PREP: variants seen among roughly 807,000 people sequenced by gnomAD.
The protein encoded by PREP is prolyl endopeptidase.
PREP carries 29 observed loss-of-function variants against 87.6 expected under a neutral mutation model. The ratio of observed to expected loss-of-function variants is 0.33; its 90% CI spans 0.25 to 0.45. The LOEUF is 0.45. Among genes scored for constraint, PREP ranks in the 20% least tolerant of loss-of-function variants. The pLI is 1.00. For missense variants in PREP, 695 were observed against 886.5 expected (o/e 0.78, Z 2.74); for synonymous variants, 337 against 328.6 (o/e 1.03, Z -0.28).
At chr6:105,371,651 A>G (rs1329155113) in intron 5 of PREP, among the ~76,000 whole-genome samples, 2 of 151,562 alleles carry the variant, frequency 1.3e-5, no homozygotes, top group African/African-American at 4.8e-5. Flanking sequence ...AGGGCAAGGG[A>G]GGGAAAAACA....
intron 7 of PREP, among the ~76,000 whole-genome samples, chr6:105,352,404 C>G (rs1771981417): frequency 6.6e-6 from 1 of 152,182 alleles, no homozygotes; most frequent in Middle Eastern, 3.2e-3. Context: ...CTTTGGCAAG[C>G]AAACACAGGC....
At chr6:105,329,784 A>G (rs560154252) in intron 8 of PREP, among the ~76,000 whole-genome samples, 10 of 152,254 alleles carry the variant, frequency 6.6e-5, no homozygotes, top group Non-Finnish European at 1.3e-4. Flanking sequence ...CGTGAGACAA[A>G]ATCATATAAA....
intron 6 of PREP, among the ~76,000 whole-genome samples, chr6:105,366,277 A>AT (rs1250260007): frequency 2.0e-5 from 3 of 152,152 alleles, no homozygotes; most frequent in African/African-American, 7.2e-5. Context: ...AAATAAATAA[A>AT]ACATAAATAA....
At chr6:105,304,847 C>A (rs1265473577) in intron 10 of PREP, among the ~76,000 whole-genome samples, 1 of 152,118 alleles carries the variant, frequency 6.6e-6, no homozygotes, top group African/African-American at 2.4e-5. Flanking sequence ...CTGGTTCAGG[C>A]ACTTAAGAGA....
chr6:105,378,015 G>A (rs1467785717), intron 2 of PREP, among the ~76,000 whole-genome samples: 1 of 152,186 alleles, frequency 6.6e-6, no homozygotes, highest in East Asian at 1.9e-4. Context: ...TTCTTATTCA[G>A]CACCTGGCCA....
At chr6:105,339,530 A>G (rs981693957) in intron 7 of PREP, among the ~76,000 whole-genome samples, 1 of 152,224 alleles carries the variant, frequency 6.6e-6, no homozygotes, top group African/African-American at 2.4e-5. Context: ...CTGGATGGAG[A>G]ATGACTTTGA....
chr6:105,380,347 G>A (rs1443956240), intron 2 of PREP, among the ~76,000 whole-genome samples: 6 of 152,206 alleles, frequency 3.9e-5, no homozygotes, highest in Admixed American at 3.3e-4. Context: ...GAGGCCAGAC[G>A]ACCAGACATG....
intron 7 of PREP, among the ~76,000 whole-genome samples, chr6:105,338,132 C>T (rs1771527381): frequency 6.6e-6 from 1 of 152,194 alleles, no homozygotes; most frequent in African/African-American, 2.4e-5. Context: ...TGGACTATGA[C>T]ATTTGTAGAC....
intron 7 of PREP, among the ~76,000 whole-genome samples, chr6:105,345,656 G>A (rs553629038): frequency 2.6e-5 from 4 of 152,316 alleles, no homozygotes; most frequent in African/African-American, 4.8e-5. Context: ...GCTGCAGGGC[G>A]CATGGGCTGC....
chr6:105,370,683 C>T (rs112606691), intron 5 of PREP, among the ~76,000 whole-genome samples: 2,239 of 152,224 alleles, frequency 0.015, 57 homozygotes, highest in African/African-American at 0.049. Flanking sequence ...GACTATTTAA[C>T]ACTAAAAAGA....
In PREP at chr6:105,277,501, T is replaced by TGACA. The variant is rs1769969437; in HGVS notation, c.*639_*642dup. The TGACA allele has an allele frequency of 6.6e-6, 1 of 152,354 alleles. No homozygotes were observed. Among genetic ancestry groups the TGACA allele is most frequent in the Non-Finnish European group, 1.5e-5 (1 of 68,190 alleles). 9.4% of individuals were successfully genotyped at this position (152,354 alleles called of 1,614,324 possible). On this transcript the variant is annotated 3_prime_UTR_variant, in exon 15 of 15. Coordinates refer to ENST00000652536, the MANE Select transcript of PREP (RefSeq NM_002726.5). ...CAACTAAGTGGTCAGTGTTTGTTTA[T>TGACA]GACAGTGAACCCCCTCTGACAGCTT...
intron 7 of PREP, among the ~76,000 whole-genome samples, chr6:105,344,569 C>CT (rs1265771173): frequency 6.6e-6 from 1 of 151,312 alleles, no homozygotes; most frequent in African/African-American, 2.4e-5. Context: ...TCTCACCAAA[C>CT]TATCGCAAAG....
intron 11 of PREP, among the ~76,000 whole-genome samples, chr6:105,287,238 C>T (rs1770207152): frequency 6.6e-6 from 1 of 151,846 alleles, no homozygotes; most frequent in Non-Finnish European, 1.5e-5. Context: ...ACAATGATAA[C>T]AAATCTCGTT....
chr6:105,361,429 C>A (rs1772244312), intron 6 of PREP, among the ~76,000 whole-genome samples: 1 of 152,004 alleles, frequency 6.6e-6, no homozygotes, highest in Non-Finnish European at 1.5e-5. Context: ...CATGAAATTT[C>A]TTTAGTATAA....
chr6:105,395,248 C>T (rs1197271163), intron 2 of PREP, among the ~76,000 whole-genome samples: 1 of 152,204 alleles, frequency 6.6e-6, no homozygotes, highest in Non-Finnish European at 1.5e-5. Flanking sequence ...TACAAAGGCA[C>T]ATGGCAAGCA....
chr6:105,352,905 G>A, intron 7 of PREP, 67 bp downstream of exon 7: 4 of 1,364,384 alleles, frequency 2.9e-6, no homozygotes, highest in Non-Finnish European at 4.2e-6. Context: ...TCAATTAATA[G>A]ACCACAATAA....
intron 14 of PREP, chr6:105,281,516 G>C (rs895815992): frequency 1.5e-5 from 7 of 452,524 alleles, no homozygotes; most frequent in Admixed American, 1.2e-4. Flanking sequence ...TAGGAATCTT[G>C]GGAGGCCATC....
At chr6:105,288,683 A>G (rs1168876886) in intron 11 of PREP, 75 bp downstream of exon 11, 3 of 1,555,718 alleles carry the variant, frequency 1.9e-6, no homozygotes, top group Non-Finnish European at 2.6e-6. Context: ...AAGTTGATTT[A>G]GTAGAGCACT....
chr6:105,367,444 C>T (rs1204620440), intron 6 of PREP, among the ~76,000 whole-genome samples: 5 of 152,024 alleles, frequency 3.3e-5, no homozygotes, highest in Admixed American at 6.5e-5. Flanking sequence ...GAGGCCGAAG[C>T]GGGCGGATCA....
Sources: allele counts gnomAD v4.1 joint callset (sites outside exome capture counted in the v4.1 genomes callset), GRCh38; gene constraint gnomAD v4.1.1; transcripts MANE v1.5; gene names NCBI Gene and HGNC (gene_info 2026-07-23, HGNC 2026-07-21).